Variants in TCERG1L observed in about 807,000 individuals in gnomAD.
The protein encoded by TCERG1L is transcription elongation regulator 1-like protein.
In TCERG1L, 37 loss-of-function variants were observed where a neutral mutation model predicts 56.3. The ratio of observed to expected loss-of-function variants is 0.66; its 90% CI spans 0.51 to 0.87. The LOEUF (loss-of-function observed/expected upper bound fraction) is 0.87, where lower values mean the gene tolerates loss of function less well. TCERG1L is among the 40% of genes least tolerant of loss of function. The probability of loss-of-function intolerance (pLI) is 0.00; values close to 1 mark genes in which losing one functional copy is unlikely to be tolerated. For missense variants in TCERG1L, 799 were observed against 774.2 expected, an observed-to-expected ratio of 1.03 and a Z score of -0.38; for synonymous variants, 324 against 326.3, an observed-to-expected ratio of 0.99 and a Z score of 0.08.
intron 5 of TCERG1L, among the ~76,000 whole-genome samples, chr10:131,165,513 G>T (rs142893323): frequency 9.9e-5 from 15 of 152,222 alleles, no homozygotes; most frequent in African/African-American, 3.6e-4. Context: ...GAGAAAATAA[G>T]GTCAGGATAA....
intron 3 of TCERG1L, among the ~76,000 whole-genome samples, chr10:131,306,022 G>A (rs187446300): frequency 3.3e-5 from 5 of 152,068 alleles, no homozygotes; most frequent in East Asian, 3.9e-4. Flanking sequence ...GAACATTTAC[G>A]TGTGAGTGTT....
intron 4 of TCERG1L, among the ~76,000 whole-genome samples, chr10:131,220,898 C>T (rs1450466496): frequency 6.6e-6 from 1 of 152,208 alleles, no homozygotes; most frequent in African/African-American, 2.4e-5. Context: ...GGTCTTAGTT[C>T]TGCCTTGGGG....
intron 7 of TCERG1L, among the ~76,000 whole-genome samples, chr10:131,136,268 C>T (rs998031596): frequency 1.3e-5 from 2 of 152,212 alleles, no homozygotes; most frequent in African/African-American, 2.4e-5. Flanking sequence ...AGGCTGGGAC[C>T]CCAAAGGACA....
At chr10:131,240,667 C>T (rs943410243) in intron 4 of TCERG1L, among the ~76,000 whole-genome samples, 1 of 152,194 alleles carries the variant, frequency 6.6e-6, no homozygotes, top group Admixed American at 6.5e-5. Context: ...TCTAAAAATA[C>T]GCCACAGCCT....
At chr10:131,232,756 C>A (rs187099815) in intron 4 of TCERG1L, among the ~76,000 whole-genome samples, 4 of 152,270 alleles carry the variant, frequency 2.6e-5, no homozygotes, top group African/African-American at 7.2e-5. Context: ...TGTTCCACCA[C>A]ACAAGTGTCC....
chr10:131,211,581 G>C (rs1021879453), intron 4 of TCERG1L, among the ~76,000 whole-genome samples: 6 of 152,238 alleles, frequency 3.9e-5, no homozygotes, highest in Non-Finnish European at 8.8e-5. Context: ...CAGAGAGCCA[G>C]TTTCAGCCAA....
In TCERG1L at chr10:131,193,881, C is replaced by T. The variant is rs577402741; in HGVS notation, c.857-26996G>A. ...TTTTTCTAATTTTATTAAAAATGTG[C>T]TTATGAGTCTTGCTGGAAAGCACAG... On this transcript the variant is annotated intron_variant, in intron 4 of 11. Transcript: ENST00000368642. Among the ~76,000 whole-genome samples the T allele has an allele frequency of 1.6e-4, 24 of 152,292 alleles. No individual in the cohort carries two copies. In the East Asian group the frequency reaches 4.2e-3, roughly 27 times the overall value.
intron 4 of TCERG1L, among the ~76,000 whole-genome samples, chr10:131,232,146 T>A (rs1325474416): frequency 6.6e-6 from 1 of 152,232 alleles, no homozygotes; most frequent in Non-Finnish European, 1.5e-5. Context: ...TCACTGGGAC[T>A]CCAGTCACTG....
At chr10:131,098,552 G>A (rs1845272914) in intron 10 of TCERG1L, 128 bp from the exon 11 acceptor site, 2 of 1,195,540 alleles carry the variant, frequency 1.7e-6, no homozygotes, top group Admixed American at 5.5e-5. Flanking sequence ...TACAGCTGCT[G>A]GAGTTATGAG....
chr10:131,119,656 C>T (rs780251446), intron 8 of TCERG1L, among the ~76,000 whole-genome samples: 1 of 152,192 alleles, frequency 6.6e-6, no homozygotes, highest in Non-Finnish European at 1.5e-5. Flanking sequence ...CAGTTAGAAT[C>T]GGTCAAAAGC....
At chr10:131,199,603 T>C (rs2944473) in intron 4 of TCERG1L, among the ~76,000 whole-genome samples, 139,327 of 152,206 alleles carry the variant, frequency 0.92, 65,080 homozygotes, top group East Asian at 1. Flanking sequence ...GTAACAGGCC[T>C]GTTAAATGGG....
chr10:131,240,692 C>A (rs1235213124), intron 4 of TCERG1L, among the ~76,000 whole-genome samples: 5 of 152,184 alleles, frequency 3.3e-5, no homozygotes, highest in Non-Finnish European at 5.9e-5. Flanking sequence ...CTTCACAATC[C>A]CAGGGAAGGT....
At chr10:131,125,163 T>C (rs181312354) in intron 8 of TCERG1L, among the ~76,000 whole-genome samples, 1 of 151,960 alleles carries the variant, frequency 6.6e-6, no homozygotes, top group African/African-American at 2.4e-5. Flanking sequence ...GTGGTGGTGA[T>C]GATGATGATG....
intron 4 of TCERG1L, among the ~76,000 whole-genome samples, chr10:131,221,235 C>T (rs992101520): frequency 2.6e-5 from 4 of 152,240 alleles, no homozygotes; most frequent in African/African-American, 7.2e-5. Context: ...CTCCCTGCTG[C>T]TGCGGGGTGG....
rs78934201 is a variant in TCERG1L at position 131,158,113 on chromosome 10, A to G, written c.1034+5009T>C. ...CAGCAGAGAAATTCCCACATAGTTA[A>G]GAATAACTAAGGATGCCGCCCGTCC... On this transcript the variant is annotated intron_variant, in intron 6 of 11. Coordinates refer to ENST00000368642, the MANE Select transcript of TCERG1L (RefSeq NM_174937.4). 0.023 allele frequency among the ~76,000 whole-genome samples: 3,529 copies of G among 152,356 alleles called. 189 individuals are homozygous for G. In the East Asian group the frequency reaches 0.24, roughly 10 times the overall value.
rs1238407950 is a variant in TCERG1L, at chr10:131,191,982, C to T, written c.857-25097G>A. 4.3e-5 allele frequency among the ~76,000 whole-genome samples: 6 copies of T among 140,074 alleles called. 1 individual carries two copies. The highest frequency in any genetic ancestry group is 1.6e-4 in the African/African-American group (6 of 37,082). 91.9% of individuals were successfully genotyped at this position (140,074 alleles called of 152,430 possible). A position where few individuals can be genotyped will look rare whatever the true frequency, so the allele number is the denominator to read the frequency against. On this transcript the variant is annotated intron_variant, in intron 4 of 11. Transcript: ENST00000368642. Reference sequence around the variant, plus strand: ...ATTGACCTAGGCAAACAATTCCTGACTAAGACCCTAAAAGCAAATGCAACA... The same window carrying T: ...ATTGACCTAGGCAAACAATTCCTGATTAAGACCCTAAAAGCAAATGCAACA...
chr10:131,245,710 G>A (rs1045700703), intron 4 of TCERG1L, among the ~76,000 whole-genome samples: 9 of 152,312 alleles, frequency 5.9e-5, no homozygotes, highest in East Asian at 1.9e-4. Flanking sequence ...ACTGCTCCTC[G>A]GTACAGGTTA....
chr10:131,206,264 G>A (rs961762975), intron 4 of TCERG1L, among the ~76,000 whole-genome samples: 5 of 152,328 alleles, frequency 3.3e-5, no homozygotes, highest in East Asian at 3.9e-4. Flanking sequence ...CCTGCGGACC[G>A]GCTGGCAGCC....
At chr10:131,136,846 A>G (rs1845680876) in intron 7 of TCERG1L, among the ~76,000 whole-genome samples, 1 of 151,406 alleles carries the variant, frequency 6.6e-6, no homozygotes, top group Admixed American at 6.6e-5. Context: ...CTTCCCATTC[A>G]AACTGAGGGC....
Sources: allele counts gnomAD v4.1 joint callset (sites outside exome capture counted in the v4.1 genomes callset), GRCh38; gene constraint gnomAD v4.1.1; transcripts MANE v1.5; gene names NCBI Gene and HGNC (gene_info 2026-07-23, HGNC 2026-07-21).